Variants in PREP observed in about 807,000 individuals in gnomAD.
The protein encoded by PREP is dJ355L5.1 (prolyl endopeptidase).
A neutral mutation model predicts 87.6 loss-of-function variants in PREP; 29 were observed. The ratio of observed to expected loss-of-function variants is 0.33; its 90% confidence interval spans 0.25 to 0.45. PREP has a LOEUF of 0.45. Ranked by LOEUF, PREP falls within the 20% of genes least tolerant of loss-of-function variation. The pLI is 1.00. For synonymous variants in PREP, 337 were observed against 328.6 expected (o/e 1.03, Z -0.28); for missense variants, 695 against 886.5 (o/e 0.78, Z 2.74).
intron 10 of PREP, among the ~76,000 whole-genome samples, chr6:105,317,174 T>A (rs1770895088): frequency 6.6e-6 from 1 of 151,948 alleles, no homozygotes. Flanking sequence ...CCCAGGCTGG[T>A]CTTGGACTTT....
At chr6:105,402,053 G>A (rs1211907933) in intron 1 of PREP, among the ~76,000 whole-genome samples, 1 of 152,160 alleles carries the variant, frequency 6.6e-6, no homozygotes, top group Admixed American at 6.5e-5. Context: ...CCGCCTACTG[G>A]ATCTCAACAG....
intron 10 of PREP, among the ~76,000 whole-genome samples, chr6:105,291,065 G>A (rs1770287602): frequency 6.6e-6 from 1 of 152,182 alleles, no homozygotes; most frequent in Non-Finnish European, 1.5e-5. Context: ...AGTCTATTAA[G>A]TATGCAATAG....
chr6:105,323,099 T>C, intron 10 of PREP: 1 of 1,304,168 alleles, frequency 7.7e-7, no homozygotes, highest in African/African-American at 1.5e-5. Context: ...GAAGACTCAG[T>C]ACCCTTGGGG....
rs867828152 is a variant in PREP at position 105,344,218 on chromosome 6, C to T, written c.823+8754G>A. On this transcript the variant is annotated intron_variant, in intron 7 of 14. Coordinates refer to ENST00000652536, the MANE Select transcript of PREP (RefSeq NM_002726.5). Reference sequence around the variant, plus strand: ...AAAAAGGGATGAGTTCGGCTGGGCGCGGTGGCTCACGCCTGTAATCCCAGC... The same window carrying T: ...AAAAAGGGATGAGTTCGGCTGGGCGTGGTGGCTCACGCCTGTAATCCCAGC... 5.1e-4 allele frequency among the ~76,000 whole-genome samples: 77 copies of T among 152,082 alleles called. 1 individual carries two copies. The highest frequency in any genetic ancestry group is 1.5e-4 in the Non-Finnish European group (10 of 67,992).
intron 7 of PREP, among the ~76,000 whole-genome samples, chr6:105,347,828 T>C (rs1221234689): frequency 6.6e-6 from 1 of 152,100 alleles, no homozygotes; most frequent in Admixed American, 6.5e-5. Context: ...GCCTGGGCAA[T>C]ATAGTGAGAC....
At chr6:105,323,110 A>C in intron 10 of PREP, 1 of 1,304,116 alleles carries the variant, frequency 7.7e-7, no homozygotes, top group Non-Finnish European at 1.0e-6. Flanking sequence ...ACCCTTGGGG[A>C]GCTGAAAAAA....
chr6:105,335,894 C>CA (rs749952374), intron 7 of PREP, among the ~76,000 whole-genome samples: 26 of 151,062 alleles, frequency 1.7e-4, no homozygotes, highest in African/African-American at 4.6e-4. Flanking sequence ...GACTCCGTCT[C>CA]AAAAAAAATA....
Position 105,323,662 on chromosome 6 carries a change from T to A in PREP, c.1317+3A>T, listed in dbSNP as rs1266069728. 2 of 1,601,804 alleles carry A rather than the reference T, an allele frequency of 1.2e-6. No individual in the cohort carries two copies. The highest frequency in any genetic ancestry group is 1.7e-6 in the Non-Finnish European group (2 of 1,168,838). On this transcript the variant is annotated splice_donor_region_variant and intron_variant, in intron 10 of 14. Transcript: ENST00000652536. ...CACATTAATGAGATCATATTCTCCA[T>A]ACCTGGACTGTCTGGTAATCAGAAG...
intron 9 of PREP, among the ~76,000 whole-genome samples, chr6:105,324,584 G>C (rs550212929): frequency 6.6e-6 from 1 of 152,252 alleles, no homozygotes; most frequent in African/African-American, 2.4e-5. Flanking sequence ...TGTGGAAATA[G>C]CACCTCCCCA....
rs1046715331 is a variant in PREP, at chr6:105,368,800, T to A, written c.717+103A>T. ...TTTTTAACAAAAGAATATTCACTCA[T>A]GGGACTTCTGCCATCCATAAAGGTC... On this transcript the variant is annotated intron_variant, in intron 6 of 14. Transcript: ENST00000652536. The A allele has an allele frequency of 7.4e-6, 10 of 1,357,474 alleles. No individual in the cohort carries two copies. The East Asian group carries it at 2.3e-4, about 31-fold the overall frequency. 84.1% of individuals were successfully genotyped at this position (1,357,474 alleles called of 1,614,324 possible). A position where few individuals can be genotyped will look rare whatever the true frequency, so the allele number is the denominator to read the frequency against.
chr6:105,310,577 T>G (rs556991806), intron 10 of PREP, among the ~76,000 whole-genome samples: 1 of 152,188 alleles, frequency 6.6e-6, no homozygotes, highest in Admixed American at 6.5e-5. Context: ...CTTCCTGCTC[T>G]GCCTGGTGAG....
At chr6:105,354,694 G>A (rs1197397735) in intron 6 of PREP, among the ~76,000 whole-genome samples, 1 of 152,092 alleles carries the variant, frequency 6.6e-6, no homozygotes, top group Non-Finnish European at 1.5e-5. Flanking sequence ...GACTCAACTA[G>A]AACTCTTCCT....
intron 5 of PREP, 38 bp downstream of exon 5, chr6:105,373,331 T>A: frequency 6.3e-7 from 1 of 1,594,188 alleles, no homozygotes; most frequent in Non-Finnish European, 8.6e-7. Flanking sequence ...CACACTTCAT[T>A]TTGTGAAAAA....
chr6:105,336,246 C>T (rs112594076), intron 7 of PREP, among the ~76,000 whole-genome samples: 11,350 of 152,274 alleles, frequency 0.075, 595 homozygotes, highest in Non-Finnish European at 0.11. Flanking sequence ...GGCGACAGAA[C>T]GAGACCCTGT....
intron 10 of PREP, among the ~76,000 whole-genome samples, chr6:105,317,170 C>T (rs145705423): frequency 6.6e-6 from 1 of 151,850 alleles, no homozygotes; most frequent in African/African-American, 2.4e-5. Flanking sequence ...GTTACCCAGG[C>T]TGGTCTTGGA....
At chr6:105,309,692 GA>G (rs1770722471) in intron 10 of PREP, among the ~76,000 whole-genome samples, 1 of 152,152 alleles carries the variant, frequency 6.6e-6, no homozygotes, top group Non-Finnish European at 1.5e-5. Flanking sequence ...CTGGTGCTTG[GA>G]TTCCCTGCAC....
chr6:105,390,554 G>A (rs1773114100), intron 2 of PREP, among the ~76,000 whole-genome samples: 1 of 152,150 alleles, frequency 6.6e-6, no homozygotes. Context: ...CTGACAATCA[G>A]TTACAGTTAA....
chr6:105,294,049 G>C (rs1044526657), intron 10 of PREP, among the ~76,000 whole-genome samples: 9 of 152,128 alleles, frequency 5.9e-5, no homozygotes, highest in African/African-American at 1.9e-4. Context: ...GAATTTGCTG[G>C]GTCAGGAGAA....
chr6:105,281,111 G>A (rs1321529849), intron 14 of PREP: 1 of 152,210 alleles, frequency 6.6e-6, no homozygotes, highest in Non-Finnish European at 1.5e-5. Context: ...GTCAAAGAAG[G>A]TCAAAGTCAA....
Sources: allele counts gnomAD v4.1 joint callset (sites outside exome capture counted in the v4.1 genomes callset), GRCh38; gene constraint gnomAD v4.1.1; transcripts MANE v1.5; gene names NCBI Gene and HGNC (gene_info 2026-07-23, HGNC 2026-07-21).